PARD3B: variants seen among roughly 807,000 people sequenced by gnomAD.
The protein encoded by PARD3B is par-3 family cell polarity regulator beta.
PARD3B carries 103 observed loss-of-function variants against 130.2 expected under a neutral mutation model. That is an observed-to-expected ratio of 0.79 (90% CI 0.67 to 0.93). The LOEUF is 0.93. PARD3B is among the 40% of genes least tolerant of loss of function. The pLI, the probability that PARD3B is intolerant of heterozygous loss-of-function variation, is 0.00. For synonymous variants in PARD3B, 583 were observed against 553.2 expected (o/e 1.05, Z -0.76); for missense variants, 1,609 against 1,499.2 (o/e 1.07, Z -1.21).
At chr2:205,008,000 T>G (rs941694986) in intron 3 of PARD3B, among the ~76,000 whole-genome samples, 1 of 152,230 alleles carries the variant, frequency 6.6e-6, no homozygotes, top group East Asian at 1.9e-4. Flanking sequence ...TTGGTTGTTG[T>G]TGGTGTATAG....
At chr2:204,821,616 C>T (rs1367495808) in intron 2 of PARD3B, among the ~76,000 whole-genome samples, 1 of 151,752 alleles carries the variant, frequency 6.6e-6, no homozygotes, top group African/African-American at 2.4e-5. Context: ...ATGGGAGCAG[C>T]ACACTAGCAT....
intron 2 of PARD3B, among the ~76,000 whole-genome samples, chr2:204,905,372 C>A (rs2047007374): frequency 6.6e-6 from 1 of 152,126 alleles, no homozygotes; most frequent in African/African-American, 2.4e-5. Flanking sequence ...TTCAGACCAC[C>A]CCTTCCCTGG....
intron 18 of PARD3B, among the ~76,000 whole-genome samples, chr2:205,340,242 A>C (rs2043472223): frequency 6.6e-6 from 1 of 152,062 alleles, no homozygotes; most frequent in Non-Finnish European, 1.5e-5. Flanking sequence ...GGTATAAATG[A>C]AATAGAAAAA....
chr2:204,648,569 AAT>A (rs1449454943), intron 1 of PARD3B, among the ~76,000 whole-genome samples: 1,323 of 130,266 alleles, frequency 0.01, 26 homozygotes, highest in African/African-American at 0.035. Context: ...TATAAATATA[AAT>A]ATATATTATA....
intron 2 of PARD3B, among the ~76,000 whole-genome samples, chr2:204,701,262 A>G (rs189155210): frequency 4.3e-4 from 65 of 152,254 alleles, no homozygotes; most frequent in Middle Eastern, 6.8e-3. Flanking sequence ...TACTGTAATT[A>G]AAATGTAAAA....
intron 3 of PARD3B, among the ~76,000 whole-genome samples, chr2:204,998,400 A>AAAGAATTAGAGAAGAAATGAAAAACT (rs1187589988): frequency 2.8e-5 from 2 of 70,302 alleles, no homozygotes; most frequent in South Asian, 3.5e-4. Context: ...ATATATGTAT[A>AAAGAATTAGAGAAGAAATGAAAAACT]TATGTGTATA....
chr2:205,238,709 G>A lies in PARD3B; in HGVS notation c.2141-7069G>A, dbSNP rs192667367. Reference sequence around the variant, plus strand: ...TAGCTGGGCCTGGTGGCAGGCGCTTGTAATCCCAGATACTTGGGAGGCTGA... The same window carrying A: ...TAGCTGGGCCTGGTGGCAGGCGCTTATAATCCCAGATACTTGGGAGGCTGA... On this transcript the variant is annotated intron_variant, in intron 15 of 22. Transcript: ENST00000406610. Among the ~76,000 whole-genome samples, 1,104 of 149,918 alleles carry A rather than the reference G, an allele frequency of 7.4e-3. 17 individuals carry two copies. Among genetic ancestry groups the A allele is most frequent in the African/African-American group, 0.025 (1,035 of 40,962 alleles).
chr2:205,295,908 A>C (rs2041772953), intron 16 of PARD3B, among the ~76,000 whole-genome samples: 1 of 152,238 alleles, frequency 6.6e-6, no homozygotes, highest in South Asian at 2.1e-4. Flanking sequence ...TTGTTTGAAA[A>C]AACAATTTCA....
intron 5 of PARD3B, among the ~76,000 whole-genome samples, chr2:205,106,494 TGTGTGTG>T: frequency 2.2e-5 from 1 of 46,296 alleles, no homozygotes; most frequent in East Asian, 1.5e-3. Context: ...TGTGTGTGTG[TGTGTGTG>T]TGTGTGTGTG....
At chr2:204,746,005 A>C (rs925687845) in intron 2 of PARD3B, among the ~76,000 whole-genome samples, 2 of 151,206 alleles carry the variant, frequency 1.3e-5, no homozygotes, top group Non-Finnish European at 2.9e-5. Context: ...TTATACTTTA[A>C]GTTCTAGGGT....
intron 4 of PARD3B, among the ~76,000 whole-genome samples, chr2:205,063,929 T>TAAA (rs66999700): frequency 1.3e-5 from 2 of 150,752 alleles, no homozygotes; most frequent in East Asian, 3.9e-4. Flanking sequence ...TGCTTGGAAA[T>TAAA]AAAAAAAAAC....
chr2:205,078,693 C>T lies in PARD3B; in HGVS notation c.505-25733C>T, dbSNP rs1003325034. On this transcript the variant is annotated intron_variant, in intron 4 of 22. Coordinates refer to ENST00000406610, the MANE Select transcript of PARD3B (RefSeq NM_001302769.2). This position sits in a 1 kb window ranked among gnomAD's most constrained non-coding sequence, Gnocchi z 4.0. Reference sequence around the variant, plus strand: ...TCTTGAATCTGGACTGGCCCAGTGACTTAATTGAAAATCATAGCGTGCAGC... The same window carrying T: ...TCTTGAATCTGGACTGGCCCAGTGATTTAATTGAAAATCATAGCGTGCAGC... Among the ~76,000 whole-genome samples, 1 of 152,156 alleles carries T rather than the reference C, an allele frequency of 6.6e-6. No individual in the cohort carries two copies. Among genetic ancestry groups the T allele is most frequent in the Non-Finnish European group, 1.5e-5 (1 of 68,022 alleles).
intron 2 of PARD3B, among the ~76,000 whole-genome samples, chr2:204,786,132 A>T (rs1056774045): frequency 6.6e-6 from 1 of 150,942 alleles, no homozygotes. Flanking sequence ...AAAAAAAAAA[A>T]AGTAGATGTT....
In PARD3B at chr2:205,230,582, T is replaced by A. The variant is rs1248102174; in HGVS notation, c.2141-15196T>A. On this transcript the variant is annotated intron_variant, in intron 15 of 22. Coordinates refer to ENST00000406610, the MANE Select transcript of PARD3B (RefSeq NM_001302769.2). The surrounding 1 kb of genome is among the most constrained non-coding windows in gnomAD (Gnocchi z 4.1). ...AGGAGTCTCTCCTGGAGCCGTGAGCTGCACTGCCTGGGGTTGGGGGAGGAG... is the reference window on the plus strand; with the variant it reads ...AGGAGTCTCTCCTGGAGCCGTGAGCAGCACTGCCTGGGGTTGGGGGAGGAG... Among the ~76,000 whole-genome samples the A allele has an allele frequency of 6.6e-6, 1 of 152,158 alleles. No homozygotes were observed. Among genetic ancestry groups the A allele is most frequent in the East Asian group, 1.9e-4 (1 of 5,172 alleles).
chr2:204,854,401 A>T (rs1398587697), intron 2 of PARD3B, among the ~76,000 whole-genome samples: 1 of 152,210 alleles, frequency 6.6e-6, no homozygotes, highest in Non-Finnish European at 1.5e-5. Flanking sequence ...CCTGAGAAAA[A>T]TGAAGGAATC....
At chr2:205,278,222 GC>G (rs890122468) in intron 16 of PARD3B, among the ~76,000 whole-genome samples, 1 of 152,180 alleles carries the variant, frequency 6.6e-6, no homozygotes, top group African/African-American at 2.4e-5. Context: ...GGTACAGAGA[GC>G]AAGGAGAAAG....
intron 20 of PARD3B, among the ~76,000 whole-genome samples, chr2:205,442,723 A>G (rs1461082594): frequency 6.6e-6 from 1 of 152,192 alleles, no homozygotes; most frequent in Non-Finnish European, 1.5e-5. Context: ...CCTAAAGCAT[A>G]TGTTTCCCCC....
At chr2:205,326,582 G>T (rs1210228284) in intron 18 of PARD3B, among the ~76,000 whole-genome samples, 1 of 152,056 alleles carries the variant, frequency 6.6e-6, no homozygotes, top group African/African-American at 2.4e-5. Context: ...AATTGCAAGA[G>T]CACAGAAAGG....
intron 21 of PARD3B, among the ~76,000 whole-genome samples, chr2:205,553,007 A>G (rs1476272952): frequency 5.1e-5 from 7 of 137,126 alleles, no homozygotes; most frequent in Non-Finnish European, 9.6e-5. Flanking sequence ...TCTAAAAACT[A>G]AAGTCGGTTT....
Sources: gnomAD v4.1 joint callset for allele counts (sites outside exome capture counted in the v4.1 genomes callset) on GRCh38, gnomAD v4.1.1 for gene constraint, Gnocchi (gnomAD v3.1) non-coding constraint, MANE v1.5 for transcripts, NCBI Gene and HGNC (gene_info 2026-07-23, HGNC 2026-07-21) for gene names.